Variants in PLAGL1 observed in about 807,000 individuals in gnomAD.
PLAGL1 encodes the protein PLAG1 like zinc finger 1.
Under a neutral mutation model 4.6 loss-of-function variants are expected in PLAGL1, and 1 was observed. That is an observed-to-expected ratio of 0.22 (90% CI 0.08 to 1.03). The LOEUF is 1.03. PLAGL1 is among the 50% of genes least tolerant of loss of function. The pLI is 0.58. For missense variants in PLAGL1, 464 were observed against 570.4 expected, an observed-to-expected ratio of 0.81 and a Z score of 1.90; for synonymous variants, 240 against 237.8, an observed-to-expected ratio of 1.01 and a Z score of -0.08.
chr6:144,003,555 C>T (rs1321948150), intron 1 of PLAGL1, among the ~76,000 whole-genome samples: 11 of 145,306 alleles, frequency 7.6e-5, no homozygotes, highest in Admixed American at 2.2e-4. Flanking sequence ...ACCTGGGAGG[C>T]GGAGTTTGCA....
intron 1 of PLAGL1, among the ~76,000 whole-genome samples, chr6:143,988,643 A>G (rs1192252742): frequency 6.6e-6 from 1 of 152,250 alleles, no homozygotes; most frequent in Non-Finnish European, 1.5e-5. Flanking sequence ...AAAGTGCCAT[A>G]GACTGGATGG....
rs370873138 is a variant in PLAGL1 at position 143,981,211 on chromosome 6, T to C, written c.-544+3924A>G. 1.9e-3 allele frequency among the ~76,000 whole-genome samples: 250 copies of C among 135,018 alleles called. 1 individual carries two copies. The highest frequency in any genetic ancestry group is 6.6e-3 in the African/African-American group (243 of 36,788). The allele number at this position is 135,018 out of a possible 152,430, so 88.6% of individuals were successfully genotyped here. On this transcript the variant is annotated intron_variant, in intron 2 of 7. Coordinates refer to ENST00000674357, the MANE Select transcript of PLAGL1 (RefSeq NM_001317162.2). ...AAGCATTAGTCTTCTGAGTACACCA[T>C]CTAATCCCACTTATATACAAGGTTT... is the stretch of plus-strand genomic sequence containing the variant.
rs562489554 is a variant in PLAGL1 at position 144,063,784 on chromosome 6, C to A, written c.-151+684G>T. Reference sequence around the variant, plus strand: ...GGCTGTGCACCCGCCAAAGTGCCCACGCCCACCGTGGCGGGGCGTGTCCTG... The same window carrying A: ...GGCTGTGCACCCGCCAAAGTGCCCAAGCCCACCGTGGCGGGGCGTGTCCTG... On this transcript the variant is annotated intron_variant, in intron 1 of 3. Transcript: ENST00000437412. This position sits in a 1 kb window ranked among gnomAD's most constrained non-coding sequence, Gnocchi z 5.7. 4.6e-5 allele frequency among the ~76,000 whole-genome samples: 7 copies of A among 152,342 alleles called. No homozygotes were observed. Among genetic ancestry groups the A allele is most frequent in the African/African-American group, 1.7e-4 (7 of 41,584 alleles).
chr6:143,969,746 A>G (rs1785074422), intron 2 of PLAGL1, among the ~76,000 whole-genome samples: 1 of 152,042 alleles, frequency 6.6e-6, no homozygotes, highest in South Asian at 2.1e-4. Flanking sequence ...AGGGGGAGGG[A>G]AGAAAAAGCC....
chr6:144,045,820 T>A (rs1207169083), intron 1 of PLAGL1, among the ~76,000 whole-genome samples: 1 of 152,252 alleles, frequency 6.6e-6, no homozygotes, highest in Non-Finnish European at 1.5e-5. Flanking sequence ...CACTTTCAGG[T>A]ACACCAATCA....
chr6:144,019,103 A>T (rs1020661084), intron 1 of PLAGL1, among the ~76,000 whole-genome samples: 1 of 152,216 alleles, frequency 6.6e-6, no homozygotes, highest in African/African-American at 2.4e-5. Flanking sequence ...ACAAACGCTG[A>T]GATTCCAGAT....
intron 1 of PLAGL1, among the ~76,000 whole-genome samples, chr6:144,032,399 C>G (rs538404925): frequency 6.6e-6 from 1 of 151,344 alleles, no homozygotes; most frequent in South Asian, 2.1e-4. Context: ...GCTGGGATTT[C>G]AGGTGTGAAC....
upstream of PLAGL1, among the ~76,000 whole-genome samples, chr6:144,011,361 A>G (rs1165939826): frequency 2.0e-5 from 3 of 152,250 alleles, no homozygotes; most frequent in Non-Finnish European, 4.4e-5. The surrounding 1 kb of genome is among the most constrained non-coding windows in gnomAD (Gnocchi z 4.3). Flanking sequence ...GCTCATCATT[A>G]CTGGTCATTA....
rs989007744 is a variant in PLAGL1 at position 144,055,510 on chromosome 6, C to T, written c.-151+8958G>A. Among the ~76,000 whole-genome samples the T allele has an allele frequency of 1.3e-5, 2 of 152,140 alleles. No individual in the cohort carries two copies. The highest frequency in any genetic ancestry group is 6.5e-5 in the Admixed American group (1 of 15,276). On this transcript the variant is annotated intron_variant, in intron 1 of 3. Coordinates refer to the PLAGL1 transcript ENST00000437412. This position sits in a 1 kb window ranked among gnomAD's most constrained non-coding sequence, Gnocchi z 5.0. ...TTCTTGTTGCCCTGGGTGCCTCTATCGTAGGACCCCCAACTACCCTCAAGC... is the reference window on the plus strand; with the variant it reads ...TTCTTGTTGCCCTGGGTGCCTCTATTGTAGGACCCCCAACTACCCTCAAGC...
chr6:143,943,749 G>A (rs1255308366), intron 7 of PLAGL1, among the ~76,000 whole-genome samples: 1 of 152,178 alleles, frequency 6.6e-6, no homozygotes, highest in Non-Finnish European at 1.5e-5. Flanking sequence ...CTTCAACAAT[G>A]GCTTCAGGGA....
Position 144,000,044 on chromosome 6 carries a change from A to G in PLAGL1, c.-584+8046T>C, listed in dbSNP as rs1325975100. Among the ~76,000 whole-genome samples, 4 of 152,304 alleles carry G rather than the reference A, an allele frequency of 2.6e-5. No homozygotes were observed. Among genetic ancestry groups the G allele is most frequent in the African/African-American group, 9.6e-5 (4 of 41,576 alleles). On this transcript the variant is annotated intron_variant, in intron 1 of 7. Transcript: ENST00000674357. This position sits in a 1 kb window ranked among gnomAD's most constrained non-coding sequence, Gnocchi z 4.1. Reference sequence around the variant, plus strand: ...CAGAACTAGGAATTGAATGCAAGCAATCTGGCTTCACAGTCCAATAGATTC... The same window carrying G: ...CAGAACTAGGAATTGAATGCAAGCAGTCTGGCTTCACAGTCCAATAGATTC...
chr6:144,041,995 C>T (rs1393567804), intron 1 of PLAGL1, among the ~76,000 whole-genome samples: 6 of 152,164 alleles, frequency 3.9e-5, no homozygotes, highest in Non-Finnish European at 1.5e-5. Context: ...TGAGAAGTAT[C>T]TGTTCATATC....
chr6:144,063,569 C>G lies in PLAGL1; in HGVS notation c.-151+899G>C, dbSNP rs1470610781. On this transcript the variant is annotated intron_variant, in intron 1 of 3. Coordinates refer to the PLAGL1 transcript ENST00000437412. This position sits in a 1 kb window ranked among gnomAD's most constrained non-coding sequence, Gnocchi z 5.7. Reference sequence around the variant, plus strand: ...ATCATTATTTATTCCGTGAATACATCGGAGTTCTGTTCTTTCGGTGGCCAC... The same window carrying G: ...ATCATTATTTATTCCGTGAATACATGGGAGTTCTGTTCTTTCGGTGGCCAC... Among the ~76,000 whole-genome samples, 1 of 152,304 alleles carries G rather than the reference C, an allele frequency of 6.6e-6. No individual in the cohort carries two copies. Among genetic ancestry groups the G allele is most frequent in the Non-Finnish European group, 1.5e-5 (1 of 68,016 alleles).
rs1307794229 is a variant in PLAGL1, at chr6:144,000,081, T to C, written c.-584+8009A>G. On this transcript the variant is annotated intron_variant, in intron 1 of 7. Transcript: ENST00000674357. This position sits in a 1 kb window ranked among gnomAD's most constrained non-coding sequence, Gnocchi z 4.1. ...AGTCCAATAGATTCAGAAAAAATAC[T>C]TAATAAAATCCAATACAATTCATGA... is the stretch of plus-strand genomic sequence containing the variant. 1.3e-5 allele frequency among the ~76,000 whole-genome samples: 2 copies of C among 152,164 alleles called. No homozygotes were observed. Among genetic ancestry groups the C allele is most frequent in the Non-Finnish European group, 2.9e-5 (2 of 68,008 alleles).
intron 1 of PLAGL1, among the ~76,000 whole-genome samples, chr6:144,030,280 A>AG (rs1796710080): frequency 2.0e-5 from 3 of 149,220 alleles, no homozygotes; most frequent in African/African-American, 7.4e-5. Flanking sequence ...AAAAAAAAAA[A>AG]AAAGAAGATG....
At position 143,942,548 on chromosome 6, in the gene PLAGL1, C is replaced by T. The variant is rs1240721556; in HGVS notation, c.268G>A (p.Ala90Thr). 2 of 1,614,012 alleles carry T rather than the reference C, an allele frequency of 1.2e-6. No individual in the cohort carries two copies. The highest frequency in any genetic ancestry group is 2.2e-5 in the East Asian group (1 of 44,864). The change falls in exon 8 of 8, where the codon GCC (alanine) becomes ACC (threonine). Residue 90 changes from alanine (A) to threonine (T), a missense_variant. By Grantham distance (58) the Ala-to-Thr change is moderately conservative. Transcript: ENST00000674357. The surrounding 1 kb of genome is among the most constrained non-coding windows in gnomAD (Gnocchi z 7.6). ...HLQTHDPNKM[A>T]FGCEECGKKY... The stretch of plus-strand genomic sequence containing the variant: ...TTCCCACACTCCTCACACCCAAAGG[C>T]CATTTTGTTGGGGTCGTGGGTCTGG...
At position 143,960,885 on chromosome 6, in the gene PLAGL1, G is replaced by A. The variant is rs143032376; in HGVS notation, c.-398-343C>T. The A allele has an allele frequency of 2.6e-5, 4 of 152,298 alleles. No homozygotes were observed. The highest frequency in any genetic ancestry group is 9.6e-5 in the African/African-American group (4 of 41,558). 9.4% of individuals were successfully genotyped at this position (152,298 alleles called of 1,614,324 possible). ...TATTAAAATACCATAAAACAGGTAT[G>A]CAAATCTATGCAATAACAGAACCTA... On this transcript the variant is annotated intron_variant, in intron 5 of 7. Coordinates refer to ENST00000674357, the MANE Select transcript of PLAGL1 (RefSeq NM_001317162.2). The surrounding 1 kb of genome is among the most constrained non-coding windows in gnomAD (Gnocchi z 5.7).
Position 143,957,373 on chromosome 6 carries a change from T to C in PLAGL1, c.-325+3096A>G, listed in dbSNP as rs1055182144. Among the ~76,000 whole-genome samples the C allele has an allele frequency of 1.3e-5, 2 of 152,156 alleles. No homozygotes were observed. The highest frequency in any genetic ancestry group is 4.8e-5 in the African/African-American group (2 of 41,436). On this transcript the variant is annotated intron_variant, in intron 6 of 7. Coordinates refer to ENST00000674357, the MANE Select transcript of PLAGL1 (RefSeq NM_001317162.2). The surrounding 1 kb of genome is among the most constrained non-coding windows in gnomAD (Gnocchi z 4.2). ...TTGGTATTAGGGGAAGATTTTCTAA[T>C]TGTTACAGTCAGGAATGGGGATCAT...
rs771173337 is a variant in PLAGL1 at position 144,025,379 on chromosome 6, C to T, written c.-151+39089G>A. 1.7e-3 allele frequency among the ~76,000 whole-genome samples: 259 copies of T among 152,208 alleles called. 2 individuals carry two copies. Among genetic ancestry groups the T allele is most frequent in the Admixed American group, 2.4e-3 (37 of 15,296 alleles). On this transcript the variant is annotated intron_variant, in intron 1 of 3. Coordinates refer to the PLAGL1 transcript ENST00000437412. The stretch of plus-strand genomic sequence containing the variant: ...GAGGAATCCTGGAATAGAAAAAGGA[C>T]TTAGGGGAAAATGACTGGAATCCAT...
Sources: gnomAD v4.1 joint callset for allele counts (sites outside exome capture counted in the v4.1 genomes callset) on GRCh38, gnomAD v4.1.1 for gene constraint, Gnocchi (gnomAD v3.1) non-coding constraint, MANE v1.5 for transcripts, NCBI Gene and HGNC (gene_info 2026-07-23, HGNC 2026-07-21) for gene names.